ROBO2: variants seen among roughly 807,000 people sequenced by gnomAD.
ROBO2 encodes the protein roundabout guidance receptor 2, also known as roundabout homolog 2.
Under a neutral mutation model 160.8 loss-of-function variants are expected in ROBO2, and 53 were observed. That is an observed-to-expected ratio of 0.33 (90% CI 0.26 to 0.41). The LOEUF (loss-of-function observed/expected upper bound fraction) is 0.41, where lower values mean the gene tolerates loss of function less well. Ranked by LOEUF, ROBO2 falls within the 10% of genes least tolerant of loss-of-function variation. The probability of loss-of-function intolerance (pLI) is 1.00; values close to 1 mark genes in which losing one functional copy is unlikely to be tolerated. For synonymous variants in ROBO2, 664 were observed against 611.7 expected, an observed-to-expected ratio of 1.09 and a Z score of -1.26; for missense variants, 1,577 against 1,722.4, an observed-to-expected ratio of 0.92 and a Z score of 1.49.
intron 2 of ROBO2, among the ~76,000 whole-genome samples, chr3:76,165,942 G>C (rs2072820902): frequency 6.6e-6 from 1 of 152,116 alleles, no homozygotes; most frequent in South Asian, 2.1e-4. Flanking sequence ...CAAGTTTGCT[G>C]TCTTATAGGG....
intron 2 of ROBO2, among the ~76,000 whole-genome samples, chr3:76,953,756 G>T (rs368162439): frequency 6.6e-6 from 1 of 152,082 alleles, no homozygotes; most frequent in Non-Finnish European, 1.5e-5. Context: ...GCAAGCACGC[G>T]CACACACATG....
chr3:75,941,112 TATTTC>T (rs111270434), intron 2 of ROBO2, among the ~76,000 whole-genome samples: 18 of 152,132 alleles, frequency 1.2e-4, no homozygotes, highest in Non-Finnish European at 2.2e-4. Context: ...ATTTTATTTT[TATTTC>T]ATTTCATTTC....
chr3:77,117,048 G>A (rs1451744511), intron 2 of ROBO2, among the ~76,000 whole-genome samples: 3 of 152,200 alleles, frequency 2.0e-5, no homozygotes, highest in African/African-American at 4.8e-5. Flanking sequence ...AATCAGACGA[G>A]TTCTGCACCT....
exon 21 of ROBO2, chr3:77,607,845 C>G (rs1395616670): frequency 6.2e-7 from 1 of 1,613,970 alleles, no homozygotes; most frequent in Non-Finnish European, 8.5e-7. Context: ...TTCTAAACCA[C>G]AGAAAAACAA....
chr3:76,691,045 A>AAT (rs1372613425), intron 2 of ROBO2, among the ~76,000 whole-genome samples: 1 of 152,072 alleles, frequency 6.6e-6, no homozygotes, highest in Non-Finnish European at 1.5e-5. Flanking sequence ...CATAGCAAAG[A>AAT]GTTCTGTCTA....
At chr3:76,969,732 T>C (rs2059481377) in intron 2 of ROBO2, among the ~76,000 whole-genome samples, 1 of 152,084 alleles carries the variant, frequency 6.6e-6, no homozygotes. Flanking sequence ...TATAAATTAT[T>C]GGTGCTTTGG....
intron 1 of ROBO2, among the ~76,000 whole-genome samples, chr3:75,907,756 G>A (rs1464171521): frequency 6.6e-6 from 1 of 152,140 alleles, no homozygotes; most frequent in Non-Finnish European, 1.5e-5. Flanking sequence ...GAAAGGGATT[G>A]ATAGAGAAAT....
intron 2 of ROBO2, among the ~76,000 whole-genome samples, chr3:76,464,787 C>T (rs1337370555): frequency 1.3e-5 from 2 of 152,068 alleles, no homozygotes; most frequent in Non-Finnish European, 2.9e-5. Flanking sequence ...GAATGATGTA[C>T]ACATTCCCAT....
At chr3:77,356,068 T>C (rs2069079011) in intron 2 of ROBO2, among the ~76,000 whole-genome samples, 3 of 152,198 alleles carry the variant, frequency 2.0e-5, no homozygotes, top group Non-Finnish European at 2.9e-5. Context: ...GTAATACTTA[T>C]GTATGTGGGC....
chr3:76,743,468 AAG>A (rs1417850278), intron 2 of ROBO2, among the ~76,000 whole-genome samples: 2 of 152,178 alleles, frequency 1.3e-5, no homozygotes, highest in Non-Finnish European at 2.9e-5. Flanking sequence ...TTTTTAAAAA[AAG>A]AGTACTGTTA....
At chr3:76,581,632 G>A (rs1256471837) in intron 2 of ROBO2, among the ~76,000 whole-genome samples, 2 of 151,984 alleles carry the variant, frequency 1.3e-5, no homozygotes, top group East Asian at 3.9e-4. Context: ...AGGAGATCCT[G>A]ACTCAAAAAA....
At chr3:76,006,149 TA>T (rs1256264527) in intron 2 of ROBO2, among the ~76,000 whole-genome samples, 1 of 152,132 alleles carries the variant, frequency 6.6e-6, no homozygotes, top group African/African-American at 2.4e-5. Flanking sequence ...TTGAGAGTAC[TA>T]TGTTTTCTTA....
chr3:77,233,813 A>G (rs143113129), intron 2 of ROBO2, among the ~76,000 whole-genome samples: 206 of 152,330 alleles, frequency 1.4e-3, no homozygotes, highest in Admixed American at 2.0e-3. Context: ...CAAGAAAATA[A>G]TACTTAAATG....
intron 2 of ROBO2, among the ~76,000 whole-genome samples, chr3:75,992,983 C>A (rs1329806654): frequency 6.6e-6 from 1 of 152,178 alleles, no homozygotes; most frequent in African/African-American, 2.4e-5. Flanking sequence ...AATACCTGTA[C>A]CCCATTGTAT....
chr3:77,095,910 C>T (rs1215000595), intron 1 of ROBO2, among the ~76,000 whole-genome samples: 1 of 150,800 alleles, frequency 6.6e-6, no homozygotes, highest in African/African-American at 2.4e-5. Flanking sequence ...CTTTGGATCT[C>T]TTTAGTTTTT....
chr3:75,991,376 C>T (rs556435820), intron 2 of ROBO2, among the ~76,000 whole-genome samples: 1 of 151,968 alleles, frequency 6.6e-6, no homozygotes, highest in African/African-American at 2.4e-5. Flanking sequence ...GGGGTCAGGG[C>T]TTTTCCACAC....
intron 2 of ROBO2, among the ~76,000 whole-genome samples, chr3:77,181,837 G>T (rs570112099): frequency 6.6e-6 from 1 of 151,918 alleles, no homozygotes; most frequent in African/African-American, 2.4e-5. Context: ...TATCAATTAC[G>T]TAACATATTT....
chr3:76,481,265 A>C (rs910888158), intron 2 of ROBO2, among the ~76,000 whole-genome samples: 1 of 152,156 alleles, frequency 6.6e-6, no homozygotes, highest in African/African-American at 2.4e-5. Flanking sequence ...AAATGATATC[A>C]TCTGTATTGA....
intron 2 of ROBO2, among the ~76,000 whole-genome samples, chr3:76,348,857 A>G (rs2074696676): frequency 6.6e-6 from 1 of 152,172 alleles, no homozygotes; most frequent in African/African-American, 2.4e-5. Flanking sequence ...GGACAGTGTT[A>G]TTATTGAACA....
Sources: gnomAD v4.1 joint callset for allele counts (sites outside exome capture counted in the v4.1 genomes callset) on GRCh38, gnomAD v4.1.1 for gene constraint, MANE v1.5 for transcripts, NCBI Gene and HGNC (gene_info 2026-07-23, HGNC 2026-07-21) for gene names.